SOX5: variants seen among roughly 807,000 people sequenced by gnomAD.
SOX5 encodes the protein transcription factor SOX-5.
Under a neutral mutation model 92.0 loss-of-function variants are expected in SOX5, and 9 were observed. That is an observed-to-expected ratio of 0.10 (90% confidence interval 0.06 to 0.17). SOX5 has a LOEUF of 0.17. SOX5 is among the 10% of genes least tolerant of loss of function. The pLI is 1.00. For synonymous variants in SOX5, 344 were observed against 336.3 expected (o/e 1.02, Z -0.25); for missense variants, 642 against 944.5 (o/e 0.68, Z 4.20).
chr12:23,732,463 T>C (rs2093428641), intron 6 of SOX5, among the ~76,000 whole-genome samples: 1 of 100,722 alleles, frequency 9.9e-6, no homozygotes. Flanking sequence ...TTAATGAATA[T>C]ACTGGAAGCT....
rs1030545111 is a variant in SOX5 at position 23,642,468 on chromosome 12, T to A, written c.932-1571A>T. Among the ~76,000 whole-genome samples the A allele has an allele frequency of 2.0e-5, 3 of 152,290 alleles. No individual in the cohort carries two copies. In the East Asian group the frequency reaches 5.8e-4, roughly 29 times the overall value. Reference sequence around the variant, plus strand: ...GTTTAAGCTGAAACTTGAATTAAATTATAGTTAGCTAGACAAAGAAGGGAA... The same window carrying A: ...GTTTAAGCTGAAACTTGAATTAAATAATAGTTAGCTAGACAAAGAAGGGAA... On this transcript the variant is annotated intron_variant, in intron 7 of 14. Transcript: ENST00000451604.
chr12:24,024,842 G>A (rs923077634), intron 4 of SOX5, among the ~76,000 whole-genome samples: 1 of 151,904 alleles, frequency 6.6e-6, no homozygotes, highest in African/African-American at 2.4e-5. Context: ...TTGAGTATAA[G>A]CACTTAGATT....
intron 3 of SOX5, among the ~76,000 whole-genome samples, chr12:24,221,341 G>A (rs961618948): frequency 1.3e-5 from 2 of 152,004 alleles, no homozygotes; most frequent in Non-Finnish European, 2.9e-5. Context: ...AAATTAATTT[G>A]TTTTATAACC....
chr12:24,353,769 T>C (rs1355606633), intron 2 of SOX5, among the ~76,000 whole-genome samples: 1 of 152,098 alleles, frequency 6.6e-6, no homozygotes, highest in African/African-American at 2.4e-5. Flanking sequence ...GCCTCCTGAA[T>C]AGCTGGGATT....
intron 2 of SOX5, among the ~76,000 whole-genome samples, chr12:23,867,755 G>C (rs1026011585): frequency 2.6e-5 from 4 of 151,518 alleles, no homozygotes; most frequent in African/African-American, 7.3e-5. Flanking sequence ...AATGAACAGT[G>C]ATGCCTCTTA....
At chr12:24,265,778 CTCAT>C (rs1942915202) in intron 3 of SOX5, among the ~76,000 whole-genome samples, 1 of 152,154 alleles carries the variant, frequency 6.6e-6, no homozygotes. Context: ...CACATATGTA[CTCAT>C]TCAACCAATA....
At chr12:24,405,900 C>T (rs1962829197) in intron 1 of SOX5, among the ~76,000 whole-genome samples, 1 of 152,122 alleles carries the variant, frequency 6.6e-6, no homozygotes, top group South Asian at 2.1e-4. Flanking sequence ...GCTGCTGATG[C>T]CAAGTCCCAT....
In SOX5 at chr12:23,630,378, T is replaced by C. The variant is rs532948759; in HGVS notation, c.1017+10434A>G. ...GGATAAGTAAACTCATTGCCTCCCA[T>C]AGATTCTTGCGATGGGCCTTTATTT... is the stretch of plus-strand genomic sequence containing the variant. On this transcript the variant is annotated intron_variant, in intron 8 of 14. Coordinates refer to ENST00000451604, the MANE Select transcript of SOX5 (RefSeq NM_006940.6). Among the ~76,000 whole-genome samples, 27 of 152,070 alleles carry C rather than the reference T, an allele frequency of 1.8e-4. No homozygotes were observed. The East Asian group carries it at 2.3e-3, about 13-fold the overall frequency.
intron 4 of SOX5, among the ~76,000 whole-genome samples, chr12:24,131,893 G>A (rs984279799): frequency 6.6e-6 from 1 of 152,148 alleles, no homozygotes; most frequent in Middle Eastern, 3.4e-3. Flanking sequence ...TATACATTTT[G>A]TCTACACGGA....
intron 1 of SOX5, among the ~76,000 whole-genome samples, chr12:24,511,957 C>CAA (rs11408941): frequency 0.3 from 39,794 of 130,778 alleles, 6,666 homozygotes; most frequent in East Asian, 0.74. Flanking sequence ...GACTCCATCT[C>CAA]AAAAAAAAAA....
intron 1 of SOX5, among the ~76,000 whole-genome samples, chr12:24,417,250 T>C (rs1965175745): frequency 6.6e-6 from 1 of 152,212 alleles, no homozygotes; most frequent in South Asian, 2.1e-4. Flanking sequence ...TATCCAGTGT[T>C]ACCACAAGAG....
intron 1 of SOX5, among the ~76,000 whole-genome samples, chr12:24,551,691 G>C (rs554777707): frequency 1.3e-5 from 2 of 152,238 alleles, no homozygotes; most frequent in South Asian, 2.1e-4. Context: ...TACAAACCTT[G>C]GGTTAGTGTT....
At chr12:24,266,254 T>G (rs1357828201) in intron 3 of SOX5, among the ~76,000 whole-genome samples, 2 of 152,158 alleles carry the variant, frequency 1.3e-5, no homozygotes, top group South Asian at 2.1e-4. Context: ...CAGTTTTGTG[T>G]TACTATTAAC....
chr12:23,862,661 A>G (rs1482177209), intron 2 of SOX5, among the ~76,000 whole-genome samples: 1 of 152,196 alleles, frequency 6.6e-6, no homozygotes, highest in African/African-American at 2.4e-5. Context: ...ATTCCAACGA[A>G]TAATAATTTA....
At chr12:24,510,174 A>G (rs1439164990) in intron 1 of SOX5, among the ~76,000 whole-genome samples, 1 of 152,250 alleles carries the variant, frequency 6.6e-6, no homozygotes, top group Non-Finnish European at 1.5e-5. Flanking sequence ...GTGTATATTC[A>G]TGCTCAAAAT....
chr12:23,713,661 G>A (rs2092257977), intron 6 of SOX5, among the ~76,000 whole-genome samples: 1 of 149,172 alleles, frequency 6.7e-6, no homozygotes, highest in African/African-American at 2.5e-5. Flanking sequence ...GTGTGTGTGT[G>A]TGTATGTGTG....
chr12:23,995,103 C>T (rs1950913783), intron 4 of SOX5, among the ~76,000 whole-genome samples: 1 of 152,294 alleles, frequency 6.6e-6, no homozygotes, highest in South Asian at 2.1e-4. Flanking sequence ...ACATTATATG[C>T]TCCAAAATGA....
At chr12:23,857,925 G>T (rs1269728171) in intron 2 of SOX5, among the ~76,000 whole-genome samples, 1 of 152,014 alleles carries the variant, frequency 6.6e-6, no homozygotes, top group Non-Finnish European at 1.5e-5. Flanking sequence ...GTAGAGACGG[G>T]GTTTCGCCAT....
At chr12:23,776,820 C>T (rs1274040876) in intron 3 of SOX5, among the ~76,000 whole-genome samples, 2 of 152,044 alleles carry the variant, frequency 1.3e-5, no homozygotes, top group African/African-American at 4.8e-5. Context: ...CAGTCATGCT[C>T]GCCCGCCACT....
Sources: gnomAD v4.1 joint callset for allele counts (sites outside exome capture counted in the v4.1 genomes callset) on GRCh38, gnomAD v4.1.1 for gene constraint, MANE v1.5 for transcripts, NCBI Gene and HGNC (gene_info 2026-07-23, HGNC 2026-07-21) for gene names.